PDE6B: variants seen among roughly 807,000 people sequenced by gnomAD.
The protein encoded by PDE6B is rod cGMP-specific 3',5'-cyclic phosphodiesterase subunit beta.
In PDE6B, 106 loss-of-function variants were observed where a neutral mutation model predicts 109.0. The ratio of observed to expected loss-of-function variants is 0.97; its 90% CI spans 0.83 to 1.14. The LOEUF is 1.14. Among genes scored for constraint, PDE6B ranks in the 50% most tolerant of loss-of-function variants. The pLI is 0.00. For synonymous variants in PDE6B, 490 were observed against 471.3 expected (o/e 1.04, Z -0.51); for missense variants, 1,193 against 1,155.6 (o/e 1.03, Z -0.47).
chr4:641,637 G>A (rs921289604), intron 3 of PDE6B, among the ~76,000 whole-genome samples: 3 of 152,178 alleles, frequency 2.0e-5, no homozygotes, highest in African/African-American at 7.2e-5. Context: ...AGAGACACAC[G>A]TTTTTTGTTT....
chr4:656,066 T>A, intron 7 of PDE6B, 60 bp downstream of exon 7: 1 of 1,152,428 alleles, frequency 8.7e-7, no homozygotes, highest in Non-Finnish European at 1.3e-6. Flanking sequence ...CGGCGATGTG[T>A]GCTTCTCCTT....
At position 658,966 on chromosome 4, in the gene PDE6B, C is replaced by A; in HGVS notation, c.1416C>A (p.Arg472=). The stretch of plus-strand genomic sequence containing the variant: ...TCTCTGTGTAGCCAACCAGAGCGCG[C>A]CTGGGGAAGGAGCCTGCTGACTGCG... ...EIQLILPTRA[R]LGKEPADCDE... is the part of the protein sequence containing the mutation. Residue 472 remains arginine, a synonymous_variant, in exon 11 of 22, where the codon CGC becomes CGA. Coordinates refer to ENST00000496514, the MANE Select transcript of PDE6B (RefSeq NM_000283.4). 1 of 1,613,222 alleles carries A rather than the reference C, an allele frequency of 6.2e-7. No homozygotes were observed. Among genetic ancestry groups the A allele is most frequent in the East Asian group, 2.2e-5 (1 of 44,870 alleles).
chr4:643,381 T>C (rs1383189646), intron 3 of PDE6B, among the ~76,000 whole-genome samples: 2 of 152,216 alleles, frequency 1.3e-5, no homozygotes, highest in Non-Finnish European at 2.9e-5. Flanking sequence ...TTCTTTCTTA[T>C]AATGTCTTTA....
At chr4:638,742 T>A (rs1359859890) in intron 3 of PDE6B, among the ~76,000 whole-genome samples, 1 of 152,208 alleles carries the variant, frequency 6.6e-6, no homozygotes, top group Non-Finnish European at 1.5e-5. Context: ...TGAGGGGTCC[T>A]CGTTACCCTA....
chr4:643,110 C>A (rs1735025324), intron 3 of PDE6B, among the ~76,000 whole-genome samples: 2 of 151,934 alleles, frequency 1.3e-5, no homozygotes, highest in South Asian at 4.1e-4. Flanking sequence ...GAGATTGACA[C>A]CATCCTGGCC....
chr4:629,587 C>A (rs10035021), intron 1 of PDE6B, among the ~76,000 whole-genome samples: 3,611 of 152,354 alleles, frequency 0.024, 143 homozygotes, highest in African/African-American at 0.083. Flanking sequence ...GGGTCCCCTG[C>A]CCCCTGCCCC....
chr4:627,049 G>C (rs1030702211), intron 1 of PDE6B, among the ~76,000 whole-genome samples: 5 of 152,214 alleles, frequency 3.3e-5, no homozygotes, highest in African/African-American at 4.8e-5. Flanking sequence ...TGCTGGATGA[G>C]CCTTGGGAAT....
In PDE6B at chr4:648,030, G is replaced by A. The variant is rs916263222; in HGVS notation, c.712-5822G>A. ...GCAGAGGTAGCAGTGAGCCAAGATC[G>A]CGCCACTGCACTTTAGCCTGGGCAA... is the stretch of plus-strand genomic sequence containing the variant. On this transcript the variant is annotated intron_variant, in intron 3 of 21. Coordinates refer to ENST00000496514, the MANE Select transcript of PDE6B (RefSeq NM_000283.4). The surrounding 1 kb of genome is among the most constrained non-coding windows in gnomAD (Gnocchi z 4.5). Among the ~76,000 whole-genome samples, 8 of 151,714 alleles carry A rather than the reference G, an allele frequency of 5.3e-5. No individual in the cohort carries two copies. The highest frequency in any genetic ancestry group is 1.9e-4 in the African/African-American group (8 of 41,156).
In PDE6B at chr4:648,459, G is replaced by T. The variant is rs1012097375; in HGVS notation, c.712-5393G>T. 1.1e-4 allele frequency among the ~76,000 whole-genome samples: 16 copies of T among 150,500 alleles called. No homozygotes were observed. Among genetic ancestry groups the T allele is most frequent in the Non-Finnish European group, 2.4e-4 (16 of 68,022 alleles). ...TCCGCCCAACGCCTGCACTTCGTCTGCCTCCTCCTTGAGCTGTGGAAGGAA... is the reference window on the plus strand; with the variant it reads ...TCCGCCCAACGCCTGCACTTCGTCTTCCTCCTCCTTGAGCTGTGGAAGGAA... On this transcript the variant is annotated intron_variant, in intron 3 of 21. Coordinates refer to ENST00000496514, the MANE Select transcript of PDE6B (RefSeq NM_000283.4). The surrounding 1 kb of genome is among the most constrained non-coding windows in gnomAD (Gnocchi z 4.5).
chr4:658,041 G>A (rs80196568), intron 10 of PDE6B, among the ~76,000 whole-genome samples: 18,431 of 127,802 alleles, frequency 0.14, 1,438 homozygotes, highest in African/African-American at 0.24. Flanking sequence ...CAGGGGTCAC[G>A]GCTGTGTGGT....
At chr4:659,572 G>T (rs983820970) in intron 11 of PDE6B, among the ~76,000 whole-genome samples, 7 of 151,246 alleles carry the variant, frequency 4.6e-5, no homozygotes, top group East Asian at 1.9e-4. Flanking sequence ...TGCACATGTG[G>T]GTGTGTGTGT....
intron 1 of PDE6B, among the ~76,000 whole-genome samples, chr4:627,248 C>A (rs141898575): frequency 1.3e-5 from 2 of 151,776 alleles, no homozygotes; most frequent in African/African-American, 2.4e-5. Context: ...CACGTTCAAG[C>A]GATTCTCCTG....
intron 3 of PDE6B, among the ~76,000 whole-genome samples, chr4:637,489 G>A (rs148578119): frequency 2.0e-4 from 30 of 152,262 alleles, no homozygotes; most frequent in African/African-American, 6.7e-4. Context: ...CCAGAGTGCT[G>A]GGATTACTGG....
rs779075897 is a variant in PDE6B, at chr4:662,052, A to G, written c.1615-82A>G. 2.5e-5 allele frequency: 18 copies of G among 728,982 alleles called. No individual in the cohort carries two copies. The highest frequency in any genetic ancestry group is 4.5e-5 in the Non-Finnish European group (18 of 398,712). The allele number at this position is 728,982 out of a possible 1,614,324, so 45.2% of individuals were successfully genotyped here. A position where few individuals can be genotyped will look rare whatever the true frequency, so the allele number is the denominator to read the frequency against. On this transcript the variant is annotated intron_variant, in intron 12 of 21. Coordinates refer to ENST00000496514, the MANE Select transcript of PDE6B (RefSeq NM_000283.4). The surrounding 1 kb of genome is among the most constrained non-coding windows in gnomAD (Gnocchi z 4.3). ...GATGATGGCACGGAGCAGGGCTTCC[A>G]CTGTGAAGTCAGCCACAGGTGCCGC... is the stretch of plus-strand genomic sequence containing the variant.
Position 625,858 on chromosome 4 carries a change from A to G in PDE6B, c.232A>G (p.Lys78Glu). 6.2e-7 allele frequency: 1 copy of G among 1,611,764 alleles called. No homozygotes were observed. The highest frequency in any genetic ancestry group is 1.3e-5 in the African/African-American group (1 of 75,020). The change falls in exon 1 of 22, where the codon AAG becomes GAG. Residue 78 changes from lysine to glutamate, a missense_variant. Lys to Glu is a moderately conservative substitution (Grantham distance 56, BLOSUM62 1). Coordinates refer to ENST00000496514, the MANE Select transcript of PDE6B (RefSeq NM_000283.4). This position sits in a 1 kb window ranked among gnomAD's most constrained non-coding sequence, Gnocchi z 5.0. The part of the protein sequence containing the change: ...ESINMERVVF[K>E]VLRRLCTLLQ... ...CATCAACATGGAGCGCGTGGTCTTC[A>G]AGGTCCTGCGGCGCCTCTGCACCCT...
chr4:655,770 C>T, intron 6 of PDE6B, 170 bp from the exon 7 acceptor site: 1 of 680,456 alleles, frequency 1.5e-6, no homozygotes. Context: ...GCCCCTCTGA[C>T]CCCTGCACAC....
At chr4:650,671 G>C (rs533407278) in intron 3 of PDE6B, among the ~76,000 whole-genome samples, 2 of 152,316 alleles carry the variant, frequency 1.3e-5, no homozygotes, top group East Asian at 1.9e-4. Context: ...AGGGAGGGGG[G>C]CCGGCAGGGA....
intron 3 of PDE6B, among the ~76,000 whole-genome samples, chr4:646,931 C>T (rs963515303): frequency 2.6e-5 from 4 of 151,622 alleles, no homozygotes; most frequent in Non-Finnish European, 5.9e-5. Context: ...AATCTCGGCT[C>T]ACTGCAGCCG....
Position 633,351 on chromosome 4 carries a change from A to T in PDE6B, c.469-1326A>T, listed in dbSNP as rs1734484115. Among the ~76,000 whole-genome samples the T allele has an allele frequency of 6.6e-6, 1 of 152,124 alleles. No individual in the cohort carries two copies. The highest frequency in any genetic ancestry group is 1.5e-5 in the Non-Finnish European group (1 of 68,010). On this transcript the variant is annotated intron_variant, in intron 1 of 21. Transcript: ENST00000496514. The surrounding 1 kb of genome is among the most constrained non-coding windows in gnomAD (Gnocchi z 4.5). ...TCTTTTAAATGCTGGTTTTCCTTCA[A>T]TGCCAGCCCACATGGCTATGGGCAG... is the stretch of plus-strand genomic sequence containing the variant.
Sources: gnomAD v4.1 joint callset for allele counts (sites outside exome capture counted in the v4.1 genomes callset) on GRCh38, gnomAD v4.1.1 for gene constraint, Gnocchi (gnomAD v3.1) non-coding constraint, MANE v1.5 for transcripts, NCBI Gene and HGNC (gene_info 2026-07-23, HGNC 2026-07-21) for gene names.